The following HAPLN1 variants were observed in gnomAD, a reference collection of about 807,000 sequenced individuals.
The protein encoded by HAPLN1 is Cartilage link protein.
Under a neutral mutation model 36.5 loss-of-function variants are expected in HAPLN1, and 13 were observed. The ratio of observed to expected loss-of-function variants is 0.36; its 90% CI spans 0.23 to 0.57. The LOEUF (loss-of-function observed/expected upper bound fraction) is 0.57. HAPLN1 is among the 20% of genes least tolerant of loss of function. The pLI is 0.83. For missense variants in HAPLN1, 407 were observed against 439.7 expected (o/e 0.93, Z 0.66); for synonymous variants, 202 against 169.8 (o/e 1.19, Z -1.48).
chr5:83,645,444 T>C (rs993934560), intron 3 of HAPLN1, among the ~76,000 whole-genome samples: 3 of 149,246 alleles, frequency 2.0e-5, no homozygotes. Flanking sequence ...CATTGTGAGA[T>C]TTTTTGTGAT....
intron 1 of HAPLN1, among the ~76,000 whole-genome samples, chr5:83,709,938 C>G (rs544207917): frequency 9.9e-5 from 15 of 152,246 alleles, no homozygotes; most frequent in Middle Eastern, 6.8e-3. Context: ...AGACAGAATC[C>G]ATAGGATGAC....
intron 2 of HAPLN1, among the ~76,000 whole-genome samples, chr5:83,657,099 T>TC (rs1270189859): frequency 4.9e-5 from 7 of 144,028 alleles, no homozygotes; most frequent in Non-Finnish European, 1.1e-4. Flanking sequence ...TTGGTTTTCT[T>TC]TTTTTTTTTT....
chr5:83,709,131 A>G lies in HAPLN1; in HGVS notation c.-27+11658T>C, dbSNP rs192788075. Among the ~76,000 whole-genome samples, 54 of 152,316 alleles carry G rather than the reference A, an allele frequency of 3.5e-4. No homozygotes were observed. The East Asian group carries it at 0.01, about 29-fold the overall frequency. On this transcript the variant is annotated intron_variant, in intron 1 of 4. Transcript: ENST00000274341. ...AGACCTCCCAAAGTGCTGGGATTAC[A>G]GGCGTGAGCCACCGTGCTCAGCCCA...
chr5:83,690,465 G>A (rs1261280584), intron 1 of HAPLN1, among the ~76,000 whole-genome samples: 1 of 151,960 alleles, frequency 6.6e-6, no homozygotes, highest in Non-Finnish European at 1.5e-5. Context: ...TCTGTAAATG[G>A]GAACTAAAAG....
rs539474986 is a variant in HAPLN1 at position 83,640,683 on chromosome 5, C to G, written c.*813G>C. ...TCTATATAACTGCCCTGAGTAGATG[C>G]TAAATGCTGCTTAGCAAATGGCCCT... On this transcript the variant is annotated 3_prime_UTR_variant, in exon 5 of 5. Transcript: ENST00000274341. 4.6e-5 allele frequency: 7 copies of G among 152,132 alleles called. No homozygotes were observed. The highest frequency in any genetic ancestry group is 8.8e-5 in the Non-Finnish European group (6 of 68,016). 9.4% of individuals were successfully genotyped at this position (152,132 alleles called of 1,614,324 possible). A position where few individuals can be genotyped will look rare whatever the true frequency, so the allele number is the denominator to read the frequency against.
chr5:83,692,650 T>G (rs1032869892), intron 1 of HAPLN1, among the ~76,000 whole-genome samples: 24 of 151,824 alleles, frequency 1.6e-4, no homozygotes, highest in African/African-American at 5.8e-4. Flanking sequence ...AGAAGAAAAA[T>G]GATAACAGTT....
intron 1 of HAPLN1, chr5:83,674,165 AG>A (rs1750800345): frequency 6.6e-6 from 1 of 152,280 alleles, no homozygotes; most frequent in African/African-American, 2.4e-5. Flanking sequence ...TACGGTGAAT[AG>A]TTGAAAATTA....
At chr5:83,664,440 T>G (rs373743164) in intron 2 of HAPLN1, among the ~76,000 whole-genome samples, 3 of 152,112 alleles carry the variant, frequency 2.0e-5, no homozygotes, top group East Asian at 3.9e-4. Flanking sequence ...TGGAGTGCAG[T>G]GGCACAATAT....
intron 2 of HAPLN1, among the ~76,000 whole-genome samples, chr5:83,665,455 A>C (rs1414088488): frequency 6.6e-6 from 1 of 152,234 alleles, no homozygotes; most frequent in African/African-American, 2.4e-5. Context: ...AAGCTAAAGC[A>C]GGGAGGGAAG....
intron 1 of HAPLN1, among the ~76,000 whole-genome samples, chr5:83,703,158 C>T (rs921756209): frequency 2.6e-5 from 4 of 152,130 alleles, no homozygotes; most frequent in African/African-American, 4.8e-5. Flanking sequence ...GCCCCATTTG[C>T]GTTAACTCCA....
intron 1 of HAPLN1, among the ~76,000 whole-genome samples, chr5:83,688,983 G>C: frequency 6.6e-6 from 1 of 152,082 alleles, no homozygotes; most frequent in East Asian, 1.9e-4. Flanking sequence ...TCCGTATTGA[G>C]GCTTAAGTAC....
intron 1 of HAPLN1, among the ~76,000 whole-genome samples, chr5:83,706,095 C>T (rs1751640944): frequency 7.0e-6 from 1 of 142,338 alleles, no homozygotes; most frequent in Non-Finnish European, 1.5e-5. Flanking sequence ...AATAAATAGC[C>T]TACCAATCGA....
At chr5:83,645,471 C>CTTTTTTTT (rs1423821503) in intron 3 of HAPLN1, among the ~76,000 whole-genome samples, 220 of 20,242 alleles carry the variant, frequency 0.011, 2 homozygotes, top group Non-Finnish European at 0.014. Context: ...TTTTCTTTTT[C>CTTTTTTTT]TTTCTTTTTT....
chr5:83,651,802 G>A (rs111903577), intron 3 of HAPLN1, among the ~76,000 whole-genome samples: 4 of 152,256 alleles, frequency 2.6e-5, no homozygotes, highest in African/African-American at 4.8e-5. Context: ...GCAGAGGGGA[G>A]GCAAGGATGG....
chr5:83,685,636 C>G (rs184032993), intron 1 of HAPLN1, among the ~76,000 whole-genome samples: 73 of 152,248 alleles, frequency 4.8e-4, no homozygotes, highest in African/African-American at 1.5e-3. Flanking sequence ...TCTTTATACT[C>G]CTGGATTTAT....
intron 2 of HAPLN1, among the ~76,000 whole-genome samples, chr5:83,653,239 A>C (rs1186745179): frequency 6.6e-6 from 1 of 152,236 alleles, no homozygotes; most frequent in Non-Finnish European, 1.5e-5. Context: ...ATTTCAAGGT[A>C]AGGTAAACCC....
At chr5:83,644,169 C>T (rs1362907818) in intron 4 of HAPLN1, among the ~76,000 whole-genome samples, 194 bp downstream of exon 4, 1 of 152,112 alleles carries the variant, frequency 6.6e-6, no homozygotes, top group Non-Finnish European at 1.5e-5. Context: ...GGAATATGTA[C>T]TTTTGCTTGA....
At chr5:83,683,944 A>G (rs751722815) in intron 1 of HAPLN1, among the ~76,000 whole-genome samples, 5 of 152,150 alleles carry the variant, frequency 3.3e-5, no homozygotes, top group Non-Finnish European at 7.4e-5. Context: ...CTGAGAAGCA[A>G]ACAGAAAAGA....
At chr5:83,693,734 G>A (rs1012268247) in intron 1 of HAPLN1, among the ~76,000 whole-genome samples, 1 of 151,850 alleles carries the variant, frequency 6.6e-6, no homozygotes, top group African/African-American at 2.4e-5. Context: ...CAGGGGAAAA[G>A]AGAGCAATTT....
Sources: allele counts gnomAD v4.1 joint callset (sites outside exome capture counted in the v4.1 genomes callset), GRCh38; gene constraint gnomAD v4.1.1; transcripts MANE v1.5; gene names NCBI Gene and HGNC (gene_info 2026-07-23, HGNC 2026-07-21).